The following PRKAR1B variants were observed in gnomAD, a reference collection of about 807,000 sequenced individuals.
PRKAR1B encodes the protein protein kinase cAMP-dependent type I regulatory subunit beta, also known as cAMP-dependent protein kinase type I-beta regulatory subunit.
PRKAR1B carries 22 observed loss-of-function variants against 46.5 expected under a neutral mutation model. That is an observed-to-expected ratio of 0.47 (90% CI 0.34 to 0.68). The LOEUF is 0.68. Ranked by LOEUF, PRKAR1B falls within the 30% of genes least tolerant of loss-of-function variation. The pLI is 0.01. For missense variants in PRKAR1B, 445 were observed against 535.6 expected (o/e 0.83, Z 1.67); for synonymous variants, 259 against 217.7 (o/e 1.19, Z -1.67).
intron 9 of PRKAR1B, among the ~76,000 whole-genome samples, chr7:557,599 G>A (rs1320441813): frequency 1.3e-5 from 2 of 152,180 alleles, no homozygotes; most frequent in Non-Finnish European, 2.9e-5. Flanking sequence ...GGGCAGGGGT[G>A]CCGACCTCCA....
At chr7:606,099 G>T in intron 6 of PRKAR1B, 94 bp downstream of exon 6, 1 of 1,237,886 alleles carries the variant, frequency 8.1e-7, no homozygotes, top group Non-Finnish European at 1.2e-6. Flanking sequence ...TCAGCGCAGT[G>T]TTTGTTGGGG....
chr7:583,721 G>A (rs758998796), intron 8 of PRKAR1B, among the ~76,000 whole-genome samples: 11 of 147,712 alleles, frequency 7.4e-5, no homozygotes, highest in African/African-American at 2.0e-4. Context: ...CAATTCACAC[G>A]CATTCTACAC....
intron 6 of PRKAR1B, among the ~76,000 whole-genome samples, chr7:598,733 G>C (rs1414927420): frequency 2.6e-5 from 4 of 152,228 alleles, no homozygotes; most frequent in Admixed American, 6.5e-5. Context: ...GGACTCAGAA[G>C]ATGTGAATCT....
rs747717536 is a variant in PRKAR1B at position 680,544 on chromosome 7, C to T, written c.348+12G>A. On this transcript the variant is annotated intron_variant, in intron 3 of 10. Transcript: ENST00000537384. ...GCCTGGGGACAGGAACCCCGTGACC[C>T]GTGAGCCTCACCTTCCTGACGTAGG... 4.4e-6 allele frequency: 7 copies of T among 1,603,174 alleles called. No individual in the cohort carries two copies. In the East Asian group the frequency reaches 6.7e-5, roughly 15 times the overall value.
intron 4 of PRKAR1B, among the ~76,000 whole-genome samples, chr7:676,526 G>A (rs1778307508): frequency 1.3e-5 from 2 of 152,218 alleles, no homozygotes; most frequent in South Asian, 4.1e-4. Context: ...CACACCACCT[G>A]TGCCTGCCTA....
chr7:652,482 G>A (rs1302393727), intron 4 of PRKAR1B, among the ~76,000 whole-genome samples: 2 of 151,052 alleles, frequency 1.3e-5, no homozygotes, highest in African/African-American at 2.4e-5. Flanking sequence ...AACCCCTCTC[G>A]GAAGACAGTT....
chr7:639,176 G>A (rs745883282), intron 4 of PRKAR1B, among the ~76,000 whole-genome samples: 1 of 152,190 alleles, frequency 6.6e-6, no homozygotes, highest in Non-Finnish European at 1.5e-5. Context: ...GGAGTAGGGG[G>A]ACTTTGACTA....
chr7:690,883 C>T (rs763018322), intron 2 of PRKAR1B, among the ~76,000 whole-genome samples: 1 of 152,266 alleles, frequency 6.6e-6, no homozygotes, highest in South Asian at 2.1e-4. Flanking sequence ...ACTGCATCCT[C>T]CTCAGCGGGC....
chr7:600,923 A>T (rs1175187496), intron 6 of PRKAR1B, among the ~76,000 whole-genome samples: 1 of 152,252 alleles, frequency 6.6e-6, no homozygotes, highest in Non-Finnish European at 1.5e-5. Context: ...AGCTCTTGGC[A>T]ACACACGGAC....
chr7:629,138 G>C (rs1196796577), intron 4 of PRKAR1B, among the ~76,000 whole-genome samples: 1 of 152,252 alleles, frequency 6.6e-6, no homozygotes, highest in Non-Finnish European at 1.5e-5. Flanking sequence ...TCACCTCCCA[G>C]GACAGGGCAC....
At position 604,004 on chromosome 7, in the gene PRKAR1B, C is replaced by T. The variant is rs542565042; in HGVS notation, c.549+2189G>A. Among the ~76,000 whole-genome samples, 7 of 152,310 alleles carry T rather than the reference C, an allele frequency of 4.6e-5. No homozygotes were observed. In the East Asian group the frequency reaches 7.7e-4, roughly 17 times the overall value. ...AGGAAGCTGCCCATCCCATACCTCC[C>T]GCAGAGGTGGCTCTGCCTTCAGCAC... On this transcript the variant is annotated intron_variant, in intron 6 of 10. Coordinates refer to ENST00000537384, the MANE Select transcript of PRKAR1B (RefSeq NM_001164760.2).
chr7:557,394 C>A lies in PRKAR1B; in HGVS notation c.892-5924G>T, dbSNP rs570359902. ...ACATTTCTCCGTTCTTTCCACCGCA[C>A]TGTTGCAGGGACTGTTTGTTACAGC... is the stretch of plus-strand genomic sequence containing the variant. On this transcript the variant is annotated intron_variant, in intron 9 of 10. Transcript: ENST00000537384. 7.2e-5 allele frequency among the ~76,000 whole-genome samples: 11 copies of A among 152,378 alleles called. No homozygotes were observed. The South Asian group carries it at 2.3e-3, about 32-fold the overall frequency.
At position 550,094 on chromosome 7, in the gene PRKAR1B, G is replaced by A. The variant is rs1005975596; in HGVS notation, c.*336C>T. The A allele has an allele frequency of 6.1e-6, 2 of 329,850 alleles. No individual in the cohort carries two copies. Among genetic ancestry groups the A allele is most frequent in the Non-Finnish European group, 1.1e-5 (2 of 174,750 alleles). 20.4% of individuals were successfully genotyped at this position (329,850 alleles called of 1,614,324 possible). ...CAACGTCCTGGCCTGGTTCTGGGGA[G>A]GACCGATCCTCAAGCATCTCCAGGA... On this transcript the variant is annotated 3_prime_UTR_variant, in exon 11 of 11. Transcript: ENST00000537384.
chr7:581,358 A>G (rs1227583993), intron 8 of PRKAR1B, among the ~76,000 whole-genome samples: 1 of 151,098 alleles, frequency 6.6e-6, no homozygotes, highest in East Asian at 1.9e-4. Flanking sequence ...TGAATAATTC[A>G]GAACCCAGGC....
chr7:606,388 T>C (rs1004753242), intron 5 of PRKAR1B, 149 bp from the exon 6 acceptor site: 29 of 596,474 alleles, frequency 4.9e-5, no homozygotes, highest in Middle Eastern at 5.3e-4. Context: ...GACAAGATTA[T>C]ACAAACATTG....
At chr7:554,345 C>T (rs947984554) in intron 9 of PRKAR1B, among the ~76,000 whole-genome samples, 2 of 152,276 alleles carry the variant, frequency 1.3e-5, no homozygotes, top group Non-Finnish European at 2.9e-5. Flanking sequence ...CAGCCCATCA[C>T]GCTGACCTTG....
At chr7:628,964 G>A (rs1783575527) in intron 4 of PRKAR1B, among the ~76,000 whole-genome samples, 1 of 152,198 alleles carries the variant, frequency 6.6e-6, no homozygotes, top group African/African-American at 2.4e-5. Flanking sequence ...CTGACGCCAA[G>A]GTGCTTGCAA....
intron 2 of PRKAR1B, among the ~76,000 whole-genome samples, chr7:702,991 T>C (rs1046804520): frequency 6.6e-6 from 1 of 151,898 alleles, no homozygotes; most frequent in African/African-American, 2.4e-5. Context: ...AACTGTCAAA[T>C]CATATAAAAA....
intron 7 of PRKAR1B, among the ~76,000 whole-genome samples, chr7:595,677 C>G (rs1432361702): frequency 1.3e-5 from 2 of 152,192 alleles, no homozygotes; most frequent in Non-Finnish European, 2.9e-5. Flanking sequence ...ACAACACACA[C>G]AGTACAGGGT....
Sources: allele counts gnomAD v4.1 joint callset (sites outside exome capture counted in the v4.1 genomes callset), GRCh38; gene constraint gnomAD v4.1.1; transcripts MANE v1.5; gene names NCBI Gene and HGNC (gene_info 2026-07-23, HGNC 2026-07-21).